Variants in RBKS observed in about 807,000 individuals in gnomAD.
RBKS encodes the protein ribokinase.
In RBKS, 33 loss-of-function variants were observed where a neutral mutation model predicts 33.9. The ratio of observed to expected loss-of-function variants is 0.97; its 90% CI spans 0.74 to 1.30. RBKS has a LOEUF of 1.30. RBKS is among the 50% of genes most tolerant of loss of function. The probability of loss-of-function intolerance (pLI) is 0.00; values close to 1 mark genes in which losing one functional copy is unlikely to be tolerated. For missense variants in RBKS, 361 were observed against 392.6 expected (o/e 0.92, Z 0.68); for synonymous variants, 125 against 143.0 (o/e 0.87, Z 0.90).
intron 7 of RBKS, among the ~76,000 whole-genome samples, chr2:27,799,800 G>C (rs1405104572): frequency 6.6e-6 from 1 of 152,200 alleles, no homozygotes; most frequent in Non-Finnish European, 1.5e-5. Flanking sequence ...TGCGCCAGCT[G>C]CTGAGATGGC....
chr2:27,835,721 G>A (rs1678505903), intron 5 of RBKS, among the ~76,000 whole-genome samples: 4 of 151,022 alleles, frequency 2.6e-5, no homozygotes, highest in African/African-American at 4.9e-5. Context: ...CACCGTGCCC[G>A]GCCTACCTCC....
intron 6 of RBKS, among the ~76,000 whole-genome samples, chr2:27,830,768 C>T (rs1162101975): frequency 6.6e-6 from 1 of 152,084 alleles, no homozygotes; most frequent in Non-Finnish European, 1.5e-5. Flanking sequence ...TTACACTGTG[C>T]CAATGACAAT....
Position 27,827,645 on chromosome 2 carries a change from T to C in RBKS, c.717A>G (p.Glu239=). Residue 239 remains glutamate, a synonymous_variant, in exon 7 of 8, where the codon GAA becomes GAG. Transcript: ENST00000302188. ...CTGTCTGTGACAGCACCACACATCC[T>C]TCAGCCCCTAAGGTAATGATTACCA... The part of the protein sequence containing the change: ...CQVVIITLGA[E]GCVVLSQTEP... The C allele has an allele frequency of 6.2e-7, 1 of 1,613,960 alleles. No individual in the cohort carries two copies. Among genetic ancestry groups the C allele is most frequent in the Non-Finnish European group, 8.5e-7 (1 of 1,179,922 alleles).
At chr2:27,846,178 GGCT>G (rs1663616222) in intron 4 of RBKS, among the ~76,000 whole-genome samples, 1 of 152,194 alleles carries the variant, frequency 6.6e-6, no homozygotes, top group South Asian at 2.1e-4. Flanking sequence ...ATGTTGGTCA[GGCT>G]GGTCTTGAAC....
chr2:27,840,368 A>ACGCG (rs1663465077), intron 5 of RBKS, among the ~76,000 whole-genome samples: 3 of 116,182 alleles, frequency 2.6e-5, no homozygotes, highest in Middle Eastern at 3.7e-3. Flanking sequence ...GCGCGCGCAC[A>ACGCG]CACACACACA....
intron 7 of RBKS, among the ~76,000 whole-genome samples, chr2:27,820,819 G>A (rs1280593350): frequency 6.6e-6 from 1 of 152,112 alleles, no homozygotes; most frequent in African/African-American, 2.4e-5. Context: ...CAAGGCGGGT[G>A]GATCATCTGA....
chr2:27,886,772 G>A (rs1664537412), intron 1 of RBKS, among the ~76,000 whole-genome samples: 1 of 152,050 alleles, frequency 6.6e-6, no homozygotes, highest in African/African-American at 2.4e-5. Flanking sequence ...AGGATTGGGA[G>A]ACCTGGGTAG....
chr2:27,861,133 A>G (rs1663972615), intron 1 of RBKS, among the ~76,000 whole-genome samples: 1 of 151,918 alleles, frequency 6.6e-6, no homozygotes, highest in Non-Finnish European at 1.5e-5. Context: ...AGGCAAGGCT[A>G]ATTTTTGTAT....
intron 1 of RBKS, among the ~76,000 whole-genome samples, chr2:27,876,856 A>G (rs1169189817): frequency 6.6e-6 from 1 of 152,176 alleles, no homozygotes; most frequent in Non-Finnish European, 1.5e-5. Flanking sequence ...AAAAAATTCT[A>G]AAGGACAATA....
At chr2:27,783,700 G>A (rs1429170255) in intron 7 of RBKS, among the ~76,000 whole-genome samples, 1 of 152,010 alleles carries the variant, frequency 6.6e-6, no homozygotes. Flanking sequence ...GAGGTCAGGA[G>A]ATCGAGACCA....
intron 6 of RBKS, among the ~76,000 whole-genome samples, chr2:27,828,188 T>C (rs1001884638): frequency 2.6e-5 from 4 of 152,068 alleles, no homozygotes; most frequent in Admixed American, 6.6e-5. Context: ...GAAAAGCAAA[T>C]ACAGCAAAAT....
chr2:27,843,060 T>C lies in RBKS; in HGVS notation c.514+7A>G, dbSNP rs1367430408. On this transcript the variant is annotated splice_region_variant and intron_variant, in intron 5 of 7. Transcript: ENST00000302188. ...TTATAGAAAGAATGACAAATATGTA[T>C]AATTACCTCCACTCCTGCGGGCCAT... 6.4e-7 allele frequency: 1 copy of C among 1,565,390 alleles called. No individual in the cohort carries two copies. The highest frequency in any genetic ancestry group is 1.4e-5 in the African/African-American group (1 of 72,842).
rs535250668 is a variant in RBKS at position 27,872,093 on chromosome 2, T to C, written c.90-13522A>G. ...AATGGGGAGTGGCTGTAAATACAGA[T>C]GAAGCTTTGCTCACTTGCCTGCCAC... On this transcript the variant is annotated intron_variant, in intron 1 of 7. Coordinates refer to ENST00000302188, the MANE Select transcript of RBKS (RefSeq NM_022128.3). 1.9e-3 allele frequency among the ~76,000 whole-genome samples: 284 copies of C among 152,262 alleles called. 3 individuals carry two copies. The highest frequency in any genetic ancestry group is 2.9e-3 in the Non-Finnish European group (194 of 68,014).
intron 7 of RBKS, among the ~76,000 whole-genome samples, chr2:27,816,099 C>A (rs1678086568): frequency 1.3e-5 from 2 of 152,214 alleles, no homozygotes; most frequent in African/African-American, 4.8e-5. Context: ...ATGGAAAAAA[C>A]AGCCTTAGAT....
In RBKS at chr2:27,803,883, C is replaced by T. The variant is rs184093870; in HGVS notation, c.796-22095G>A. On this transcript the variant is annotated intron_variant, in intron 7 of 7. Transcript: ENST00000302188. ...CTGACATGGCAAAACCCCATCTACA[C>T]ATAAAAAAAGTACAAAAATTAGCTG... is the stretch of plus-strand genomic sequence containing the variant. 2.5e-3 allele frequency among the ~76,000 whole-genome samples: 383 copies of T among 151,954 alleles called. 1 individual carries two copies. Among genetic ancestry groups the T allele is most frequent in the African/African-American group, 8.7e-3 (361 of 41,440 alleles).
rs115762980 is a variant in RBKS, at chr2:27,855,502, T to G, written c.222+2937A>C. ...TAACTTCCTCTTCTTAACATTTGGC[T>G]TCAATGGAATGGAGCAGGAAACACT... On this transcript the variant is annotated intron_variant, in intron 2 of 7. Coordinates refer to ENST00000302188, the MANE Select transcript of RBKS (RefSeq NM_022128.3). 6.8e-3 allele frequency among the ~76,000 whole-genome samples: 1,036 copies of G among 152,308 alleles called. 5 individuals carry two copies. Among genetic ancestry groups the G allele is most frequent in the African/African-American group, 0.024 (993 of 41,552 alleles).
chr2:27,848,147 C>G (rs751624699), intron 2 of RBKS, 50 bp from the exon 3 acceptor site: 2 of 1,084,010 alleles, frequency 1.8e-6, no homozygotes, highest in Non-Finnish European at 2.7e-6. Context: ...TAGTAAAATG[C>G]TACAATGTAG....
chr2:27,889,904 G>T, intron 1 of RBKS: 1 of 236,236 alleles, frequency 4.2e-6, no homozygotes, highest in Non-Finnish European at 8.2e-6. Flanking sequence ...GAGGTAAAAT[G>T]ACGTGGGCAA....
intron 7 of RBKS, among the ~76,000 whole-genome samples, chr2:27,819,526 T>C (rs577979968): frequency 6.6e-6 from 1 of 152,186 alleles, no homozygotes; most frequent in Non-Finnish European, 1.5e-5. Flanking sequence ...AAATGGGAGA[T>C]GAAGTACGTG....
Sources: allele counts gnomAD v4.1 joint callset (sites outside exome capture counted in the v4.1 genomes callset), GRCh38; gene constraint gnomAD v4.1.1; transcripts MANE v1.5; gene names NCBI Gene and HGNC (gene_info 2026-07-23, HGNC 2026-07-21).